The following PABIR1 variants were observed in gnomAD, a reference collection of about 807,000 sequenced individuals.
The protein encoded by PABIR1 is PP2A Aalpha (PPP2R1A) and B55A (PPP2R2A) interacting phosphatase regulator 1.
In PABIR1, 2 loss-of-function variants were observed where a neutral mutation model predicts 14.6. The ratio of observed to expected loss-of-function variants is 0.14; its 90% CI spans 0.06 to 0.43. The LOEUF is 0.43. PABIR1 is among the 20% of genes least tolerant of loss of function. PABIR1 has a pLI of 0.99. For synonymous variants in PABIR1, 163 were observed against 155.4 expected, an observed-to-expected ratio of 1.05 and a Z score of -0.36; for missense variants, 294 against 379.0, an observed-to-expected ratio of 0.78 and a Z score of 1.86.
Position 68,781,833 on chromosome 9 carries a change from C to CAT in PABIR1, c.*807_*808dup, listed in dbSNP as rs1831304105. ...TGCCTTGCAGTCTTTGCCCACTATA[C>CAT]ATAGGCTAAGGCTAAGCTCTTTGTA... On this transcript the variant is annotated 3_prime_UTR_variant, in exon 1 of 1. Transcript: ENST00000394264. 6.0e-6 allele frequency: 1 copy of CAT among 166,682 alleles called. No homozygotes were observed. Among genetic ancestry groups the CAT allele is most frequent in the Non-Finnish European group, 1.5e-5 (1 of 68,080 alleles). 10.3% of individuals were successfully genotyped at this position (166,682 alleles called of 1,614,324 possible). A position where few individuals can be genotyped will look rare whatever the true frequency, so the allele number is the denominator to read the frequency against.
rs571863654 is a variant in PABIR1, at chr9:68,785,124, G to T, written c.*4096G>T. 6.6e-6 allele frequency among the ~76,000 whole-genome samples: 1 copy of T among 152,244 alleles called. No individual in the cohort carries two copies. Among genetic ancestry groups the T allele is most frequent in the South Asian group, 2.1e-4 (1 of 4,822 alleles). On this transcript the variant is annotated 3_prime_UTR_variant, in exon 1 of 1. Coordinates refer to ENST00000394264, the MANE Select transcript of PABIR1 (RefSeq NM_138333.5). ...GATGGCAGGCACAAGGAAGTGGGTT[G>T]GATTGACTAGGTTTGGGAATTGGTT...
rs1449600539 is a variant in PABIR1, at chr9:68,784,430, C to A, written c.*3402C>A. On this transcript the variant is annotated 3_prime_UTR_variant, in exon 1 of 1. Coordinates refer to ENST00000394264, the MANE Select transcript of PABIR1 (RefSeq NM_138333.5). The stretch of plus-strand genomic sequence containing the variant: ...TCATTAAAGATCATTAACTCCAAGG[C>A]TGCTGGATGTTAGGACCCTTAAGCA... 6.0e-6 allele frequency: 1 copy of A among 166,948 alleles called. No homozygotes were observed. Among genetic ancestry groups the A allele is most frequent in the Non-Finnish European group, 1.5e-5 (1 of 68,124 alleles). The allele number at this position is 166,948 out of a possible 1,614,324, so 10.3% of individuals were successfully genotyped here. A position where few individuals can be genotyped will look rare whatever the true frequency, so the allele number is the denominator to read the frequency against.
At position 68,782,655 on chromosome 9, in the gene PABIR1, G is replaced by A. The variant is rs186561008; in HGVS notation, c.*1627G>A. On this transcript the variant is annotated 3_prime_UTR_variant, in exon 1 of 1. Transcript: ENST00000394264. ...CCTCAAGATGGAGTGAAATTGCATC[G>A]AGGGTAAGACTGTGTCCACAGGTTT... 8 of 167,202 alleles carry A rather than the reference G, an allele frequency of 4.8e-5. No homozygotes were observed. The highest frequency in any genetic ancestry group is 6.5e-5 in the Admixed American group (1 of 15,312). The allele number at this position is 167,202 out of a possible 1,614,324, so 10.4% of individuals were successfully genotyped here.
Position 68,781,140 on chromosome 9 carries a change from CTT to C in PABIR1, c.*117_*118del. On this transcript the variant is annotated 3_prime_UTR_variant, in exon 1 of 1. Coordinates refer to ENST00000394264, the MANE Select transcript of PABIR1 (RefSeq NM_138333.5). ...GGCTATTTCCTATTTGACCCCTTTT[CTT>C]TTTTGAAATTCCCTGAAATGATGTT... 1 of 1,394,076 alleles carries C rather than the reference CTT, an allele frequency of 7.2e-7. No individual in the cohort carries two copies. Among genetic ancestry groups the C allele is most frequent in the Non-Finnish European group, 9.8e-7 (1 of 1,024,908 alleles). The allele number at this position is 1,394,076 out of a possible 1,614,324, so 86.4% of individuals were successfully genotyped here.
Position 68,780,374 on chromosome 9 carries a change from C to T in PABIR1, c.210C>T (p.Gly70=), listed in dbSNP as rs368240300. Residue 70 remains glycine, a synonymous_variant, in exon 1 of 1, where the codon GGC becomes GGT. Coordinates refer to ENST00000394264, the MANE Select transcript of PABIR1 (RefSeq NM_138333.5). ...RNSTTFPSRH[G]LLLPASPVRM... is the part of the protein sequence containing the mutation. ...GCACAACGTTCCCGAGCCGCCACGG[C>T]CTGCTGCTGCCGGCCTCCCCTGTCC... 1.2e-6 allele frequency: 2 copies of T among 1,613,114 alleles called. No homozygotes were observed. The highest frequency in any genetic ancestry group is 2.7e-5 in the African/African-American group (2 of 74,926).
Position 68,780,801 on chromosome 9 carries a change from C to A in PABIR1, c.637C>A (p.Gln213Lys). 1 of 1,614,226 alleles carries A rather than the reference C, an allele frequency of 6.2e-7. No individual in the cohort carries two copies. Among genetic ancestry groups the A allele is most frequent in the East Asian group, 2.2e-5 (1 of 44,892 alleles). Residue 213 changes from glutamine (Q) to lysine (K), a missense_variant, in exon 1 of 1, where the codon CAG (glutamine) becomes AAG (lysine). By Grantham distance (53) the Gln-to-Lys change is moderately conservative (BLOSUM62 1). Around this residue, in one of 3 missense-constraint regions of PABIR1, gnomAD observed 95 missense variants for 100.8 expected, o/e 0.94. Coordinates refer to ENST00000394264, the MANE Select transcript of PABIR1 (RefSeq NM_138333.5). ...KRKCEMETEY[Q>K]PKRFFQGITN... Reference sequence around the variant, plus strand: ...AAAATGTGAAATGGAAACTGAATATCAGCCAAAGAGATTTTTCCAGGGCAT... The same window carrying A: ...AAAATGTGAAATGGAAACTGAATATAAGCCAAAGAGATTTTTCCAGGGCAT...
rs1379696470 is a variant in PABIR1, at chr9:68,781,176, G to C, written c.*148G>C. ...TTCCCTGAAATGATGTTATTCTAGA[G>C]AACTTCTATGTCAGGTTCCTTTGGA... is the stretch of plus-strand genomic sequence containing the variant. On this transcript the variant is annotated 3_prime_UTR_variant, in exon 1 of 1. Coordinates refer to ENST00000394264, the MANE Select transcript of PABIR1 (RefSeq NM_138333.5). The C allele has an allele frequency of 1.3e-5, 14 of 1,063,530 alleles. No homozygotes were observed. In the East Asian group the frequency reaches 2.9e-4, roughly 22 times the overall value. The allele number at this position is 1,063,530 out of a possible 1,614,324, so 65.9% of individuals were successfully genotyped here.
chr9:68,780,627 CAG>C lies in PABIR1; in HGVS notation c.464_465del (p.Gln155LeufsTer12). The part of the protein sequence containing the change: ...APSPTRGIGK[Q>X]CFSPSLQSFV... Reference sequence around the variant, plus strand: ...GTCACCCACTCGGGGAATTGGGAAGCAGTGTTTTTCGCCATCCTTGCAAAGTT... The same window carrying C: ...GTCACCCACTCGGGGAATTGGGAAGCTGTTTTTCGCCATCCTTGCAAAGTT... On this transcript the variant is annotated frameshift_variant, in exon 1 of 1. Transcript: ENST00000394264. LOFTEE classifies it high-confidence loss of function. 1 of 1,614,212 alleles carries C rather than the reference CAG, an allele frequency of 6.2e-7. No individual in the cohort carries two copies. The highest frequency in any genetic ancestry group is 8.5e-7 in the Non-Finnish European group (1 of 1,180,038).
In PABIR1 at chr9:68,785,109, A is replaced by C. The variant is rs1411399547; in HGVS notation, c.*4081A>C. 6.6e-6 allele frequency among the ~76,000 whole-genome samples: 1 copy of C among 152,202 alleles called. No homozygotes were observed. The highest frequency in any genetic ancestry group is 1.5e-5 in the Non-Finnish European group (1 of 68,044). On this transcript the variant is annotated 3_prime_UTR_variant, in exon 1 of 1. Coordinates refer to ENST00000394264, the MANE Select transcript of PABIR1 (RefSeq NM_138333.5). Reference sequence around the variant, plus strand: ...GCCAGGTTGCAGTTGGATGGCAGGCACAAGGAAGTGGGTTGGATTGACTAG... The same window carrying C: ...GCCAGGTTGCAGTTGGATGGCAGGCCCAAGGAAGTGGGTTGGATTGACTAG...
rs1831381210 is a variant in PABIR1 at position 68,782,914 on chromosome 9, T to A, written c.*1886T>A. ...TAAACTAGAAACTATGGAAGCATCT[T>A]TGACTTTTCCTTTTCTCTGTTGGAT... On this transcript the variant is annotated 3_prime_UTR_variant, in exon 1 of 1. Transcript: ENST00000394264. 3 of 167,090 alleles carry A rather than the reference T, an allele frequency of 1.8e-5. No individual in the cohort carries two copies. The highest frequency in any genetic ancestry group is 1.3e-4 in the Admixed American group (2 of 15,290). 10.4% of individuals were successfully genotyped at this position (167,090 alleles called of 1,614,324 possible). A position where few individuals can be genotyped will look rare whatever the true frequency, so the allele number is the denominator to read the frequency against.
chr9:68,784,422 C>T lies in PABIR1; in HGVS notation c.*3394C>T, dbSNP rs1831492414. The T allele has an allele frequency of 6.0e-6, 1 of 166,964 alleles. No homozygotes were observed. Among genetic ancestry groups the T allele is most frequent in the Admixed American group, 6.5e-5 (1 of 15,284 alleles). 10.3% of individuals were successfully genotyped at this position (166,964 alleles called of 1,614,324 possible). On this transcript the variant is annotated 3_prime_UTR_variant, in exon 1 of 1. Coordinates refer to ENST00000394264, the MANE Select transcript of PABIR1 (RefSeq NM_138333.5). ...GGGAGAAATCATTAAAGATCATTAACTCCAAGGCTGCTGGATGTTAGGACC... is the reference window on the plus strand; with the variant it reads ...GGGAGAAATCATTAAAGATCATTAATTCCAAGGCTGCTGGATGTTAGGACC...
chr9:68,784,918 G>A lies in PABIR1; in HGVS notation c.*3890G>A, dbSNP rs1343325412. On this transcript the variant is annotated 3_prime_UTR_variant, in exon 1 of 1. Coordinates refer to ENST00000394264, the MANE Select transcript of PABIR1 (RefSeq NM_138333.5). ...GGTAGGTATATGAAAAGTAGAATTT[G>A]TTTCTGATTGTGCCTATTTTCCAAT... Among the ~76,000 whole-genome samples the A allele has an allele frequency of 6.6e-6, 1 of 152,152 alleles. No homozygotes were observed. The highest frequency in any genetic ancestry group is 6.5e-5 in the Admixed American group (1 of 15,274).
Position 68,783,584 on chromosome 9 carries a change from T to C in PABIR1, c.*2556T>C, listed in dbSNP as rs1831429027. ...ACTGGCATTTCCATGTATATATGTA[T>C]ATAAATGCAGGAAACCAACATGTCA... On this transcript the variant is annotated 3_prime_UTR_variant, in exon 1 of 1. Transcript: ENST00000394264. 1 of 166,934 alleles carries C rather than the reference T, an allele frequency of 6.0e-6. No individual in the cohort carries two copies. Among genetic ancestry groups the C allele is most frequent in the African/African-American group, 2.4e-5 (1 of 41,458 alleles). 10.3% of individuals were successfully genotyped at this position (166,934 alleles called of 1,614,324 possible).
Position 68,781,309 on chromosome 9 carries a change from A to AT in PABIR1, c.*288dup, listed in dbSNP as rs904650052. 31 of 305,468 alleles carry AT rather than the reference A, an allele frequency of 1.0e-4. 1 individual carries two copies. The East Asian group carries it at 2.0e-3, about 19-fold the overall frequency. 18.9% of individuals were successfully genotyped at this position (305,468 alleles called of 1,614,324 possible). A position where few individuals can be genotyped will look rare whatever the true frequency, so the allele number is the denominator to read the frequency against. ...GTCTAAATACATATGTTATCCCTTG[A>AT]TTTTTTTAAATAACTGAGAGCTCTA... On this transcript the variant is annotated 3_prime_UTR_variant, in exon 1 of 1. Transcript: ENST00000394264.
rs1445579293 is a variant in PABIR1 at position 68,781,991 on chromosome 9, A to G, written c.*963A>G. The G allele has an allele frequency of 6.0e-6, 1 of 167,102 alleles. No individual in the cohort carries two copies. The highest frequency in any genetic ancestry group is 1.5e-5 in the Non-Finnish European group (1 of 68,108). The allele number at this position is 167,102 out of a possible 1,614,324, so 10.4% of individuals were successfully genotyped here. ...AAATATTCAGTTGTGCCTCAGTTCC[A>G]GAAATTATTGCCAAACAGGAGCCAC... is the stretch of plus-strand genomic sequence containing the variant. On this transcript the variant is annotated 3_prime_UTR_variant, in exon 1 of 1. Coordinates refer to ENST00000394264, the MANE Select transcript of PABIR1 (RefSeq NM_138333.5).
In PABIR1 at chr9:68,780,739, AT is replaced by A; in HGVS notation, c.577del (p.Cys193AlafsTer10). 1 of 1,614,254 alleles carries A rather than the reference AT, an allele frequency of 6.2e-7. No individual in the cohort carries two copies. Among genetic ancestry groups the A allele is most frequent in the Non-Finnish European group, 8.5e-7 (1 of 1,180,052 alleles). On this transcript the variant is annotated frameshift_variant, in exon 1 of 1. Transcript: ENST00000394264. LOFTEE classifies it high-confidence loss of function. ...FTTRRSQSPI[N>X]CIRPSVLGPL... is the part of the protein sequence containing the mutation. Reference sequence around the variant, plus strand: ...ACCCGGAGAAGCCAGAGCCCCATCAATTGCATTAGACCAAGTGTTCTTGGAC... The same window carrying A: ...ACCCGGAGAAGCCAGAGCCCCATCAATGCATTAGACCAAGTGTTCTTGGAC...
At position 68,781,687 on chromosome 9, in the gene PABIR1, A is replaced by G. The variant is rs1289210868; in HGVS notation, c.*659A>G. 6.0e-6 allele frequency: 1 copy of G among 166,780 alleles called. No individual in the cohort carries two copies. Among genetic ancestry groups the G allele is most frequent in the East Asian group, 1.9e-4 (1 of 5,214 alleles). 10.3% of individuals were successfully genotyped at this position (166,780 alleles called of 1,614,324 possible). On this transcript the variant is annotated 3_prime_UTR_variant, in exon 1 of 1. Coordinates refer to ENST00000394264, the MANE Select transcript of PABIR1 (RefSeq NM_138333.5). ...AGAAAAACATTTTTAATGAGATTTTAATAGTAATTCTAGTCAGTCATACAA... is the reference window on the plus strand; with the variant it reads ...AGAAAAACATTTTTAATGAGATTTTGATAGTAATTCTAGTCAGTCATACAA...
chr9:68,780,373 G>A lies in PABIR1; in HGVS notation c.209G>A (p.Gly70Asp). 1 of 1,613,346 alleles carries A rather than the reference G, an allele frequency of 6.2e-7. No individual in the cohort carries two copies. Residue 70 changes from glycine (G) to aspartate (D), a missense_variant, in exon 1 of 1, where the codon GGC becomes GAC. Physicochemically the swap from Gly to Asp is moderately conservative, Grantham distance 94. This residue lies in a region of PABIR1 where 96 missense variants were observed against 102.2 expected (regional missense o/e 0.94). Transcript: ENST00000394264. ...AGCACAACGTTCCCGAGCCGCCACG[G>A]CCTGCTGCTGCCGGCCTCCCCTGTC... ...RNSTTFPSRHGLLLPASPVRM... is the reference protein window; with the variant it reads ...RNSTTFPSRHDLLLPASPVRM...
Position 68,780,477 on chromosome 9 carries a change from C to T in PABIR1, c.313C>T (p.Arg105Trp), listed in dbSNP as rs1831200055. 6.2e-7 allele frequency: 1 copy of T among 1,614,210 alleles called. No individual in the cohort carries two copies. The highest frequency in any genetic ancestry group is 8.5e-7 in the Non-Finnish European group (1 of 1,180,038). Reference protein sequence around the residue: ...DLINRETVHEREVQTAMQISH... With the variant: ...DLINRETVHEWEVQTAMQISH... Reference sequence around the variant, plus strand: ...GATCAACCGAGAGACGGTCCACGAACGGGAGGTGCAGACCGCAATGCAGAT... The same window carrying T: ...GATCAACCGAGAGACGGTCCACGAATGGGAGGTGCAGACCGCAATGCAGAT... Residue 105 changes from arginine (R) to tryptophan (W), a missense_variant, in exon 1 of 1, where the codon CGG (arginine) becomes TGG (tryptophan). Physicochemically the swap from Arg to Trp is moderately radical, Grantham distance 101. This residue lies in a region of PABIR1 where 103 missense variants were observed against 175.9 expected (regional missense o/e 0.59). Transcript: ENST00000394264.
Sources: allele counts gnomAD v4.1 joint callset (sites outside exome capture counted in the v4.1 genomes callset), GRCh38; gene constraint gnomAD v4.1.1; regional missense constraint gnomAD v4.1.1; transcripts MANE v1.5; gene names NCBI Gene and HGNC (gene_info 2026-07-23, HGNC 2026-07-21).